ITCH: variants seen among roughly 807,000 people sequenced by gnomAD.
ITCH encodes itchy E3 ubiquitin protein ligase, also known as E3 ubiquitin-protein ligase Itchy homolog.
Under a neutral mutation model 126.8 loss-of-function variants are expected in ITCH, and 28 were observed. The ratio of observed to expected loss-of-function variants is 0.22; its 90% CI spans 0.16 to 0.30. The LOEUF is 0.30. ITCH is among the 10% of genes least tolerant of loss of function. ITCH has a pLI of 1.00. For synonymous variants in ITCH, 342 were observed against 340.0 expected, an observed-to-expected ratio of 1.01 and a Z score of -0.06; for missense variants, 631 against 1,032.4, an observed-to-expected ratio of 0.61 and a Z score of 5.33.
chr20:34,400,475 A>T lies in ITCH; in HGVS notation c.70+6594A>T, dbSNP rs1266254693. On this transcript the variant is annotated intron_variant, in intron 3 of 24. Coordinates refer to ENST00000374864, the MANE Select transcript of ITCH (RefSeq NM_031483.7). ...GTACACAAAACTTGCCCTAATACCC[A>T]TGAAAGCTCCTATAATAGGGGAGCC... is the stretch of plus-strand genomic sequence containing the variant. Among the ~76,000 whole-genome samples, 3 of 152,002 alleles carry T rather than the reference A, an allele frequency of 2.0e-5. No individual in the cohort carries two copies. The East Asian group carries it at 5.8e-4, about 29-fold the overall frequency.
chr20:34,408,344 G>C (rs1286738034), intron 3 of ITCH, among the ~76,000 whole-genome samples: 1 of 152,150 alleles, frequency 6.6e-6, no homozygotes, highest in Admixed American at 6.6e-5. Context: ...AAAGTTCTGG[G>C]ATTAGAGGTG....
intron 2 of ITCH, among the ~76,000 whole-genome samples, chr20:34,378,500 A>T (rs1323249235): frequency 7.5e-6 from 1 of 133,404 alleles, no homozygotes; most frequent in African/African-American, 2.7e-5. Context: ...AAAAAGATGT[A>T]AAAAAAAAAA....
At chr20:34,403,497 T>C (rs2146119250) in intron 3 of ITCH, among the ~76,000 whole-genome samples, 1 of 152,314 alleles carries the variant, frequency 6.6e-6, no homozygotes, top group South Asian at 2.1e-4. Context: ...GGGAAACTTT[T>C]GTTTTCTACC....
chr20:34,457,671 C>G (rs1986135617), intron 13 of ITCH, among the ~76,000 whole-genome samples, 197 bp downstream of exon 13: 1 of 152,132 alleles, frequency 6.6e-6, no homozygotes, highest in Non-Finnish European at 1.5e-5. Flanking sequence ...CAGGAAAAAA[C>G]TTTAACTGGG....
chr20:34,386,487 A>G (rs916788741), intron 2 of ITCH, among the ~76,000 whole-genome samples: 1 of 152,176 alleles, frequency 6.6e-6, no homozygotes, highest in African/African-American at 2.4e-5. Context: ...AGATTGTTTG[A>G]GAGTTTGACT....
chr20:34,421,597 G>T (rs953886657), intron 6 of ITCH, among the ~76,000 whole-genome samples: 8 of 143,148 alleles, frequency 5.6e-5, no homozygotes, highest in East Asian at 1.9e-4. Context: ...TTAGATTTTT[G>T]TTGTTGTTGT....
chr20:34,452,216 TTTCC>T (rs1985353484), intron 12 of ITCH, among the ~76,000 whole-genome samples: 1 of 152,194 alleles, frequency 6.6e-6, no homozygotes, highest in Non-Finnish European at 1.5e-5. Flanking sequence ...GTGAGCTGCG[TTTCC>T]TTTATCAGAA....
chr20:34,463,786 TTTG>T (rs1301781561), intron 14 of ITCH, among the ~76,000 whole-genome samples: 1 of 151,964 alleles, frequency 6.6e-6, no homozygotes, highest in Non-Finnish European at 1.5e-5. Context: ...CCTTTGCCCA[TTTG>T]TTGTTGTTTT....
In ITCH at chr20:34,462,143, T is replaced by C; in HGVS notation, c.1346T>C (p.Val449Ala). The C allele has an allele frequency of 6.2e-7, 1 of 1,613,486 alleles. No homozygotes were observed. The highest frequency in any genetic ancestry group is 8.5e-7 in the Non-Finnish European group (1 of 1,179,434). The change falls in exon 14 of 25, where the codon GTG becomes GCG. Residue 449 changes from valine to alanine, a missense_variant. Around this residue, in one of 4 missense-constraint regions of ITCH, gnomAD observed 390 missense variants for 731.6 expected, o/e 0.53. Coordinates refer to ENST00000374864, the MANE Select transcript of ITCH (RefSeq NM_031483.7). The stretch of plus-strand genomic sequence containing the variant: ...GAAGGTTGGGAAATGAGATTCACAG[T>C]GGATGGAATTCCATATTTTGTGGAC... ...LPEGWEMRFT[V>A]DGIPYFVDHN...
chr20:34,506,639 C>T (rs1032678265), intron 24 of ITCH, among the ~76,000 whole-genome samples: 1 of 152,190 alleles, frequency 6.6e-6, no homozygotes, highest in African/African-American at 2.4e-5. Context: ...AACCATCCCC[C>T]TCTCCACTCC....
rs574521270 is a variant in ITCH, at chr20:34,418,838, C to T, written c.475+4959C>T. On this transcript the variant is annotated intron_variant, in intron 6 of 24. Transcript: ENST00000374864. ...GTGCAATGGCGCGATCTCGGCTTAC[C>T]GCAACCTCCATCTCCTGGGTTCAAG... is the stretch of plus-strand genomic sequence containing the variant. Among the ~76,000 whole-genome samples, 14 of 146,132 alleles carry T rather than the reference C, an allele frequency of 9.6e-5. No homozygotes were observed. The East Asian group carries it at 1.6e-3, about 17-fold the overall frequency.
intron 16 of ITCH, among the ~76,000 whole-genome samples, chr20:34,477,240 T>G (rs531216337): frequency 1.3e-5 from 2 of 152,148 alleles, no homozygotes; most frequent in Non-Finnish European, 2.9e-5. Context: ...TCATTAAAAA[T>G]AAAATCACGG....
intron 3 of ITCH, among the ~76,000 whole-genome samples, chr20:34,404,558 T>C (rs1877386071): frequency 6.6e-6 from 1 of 151,962 alleles, no homozygotes; most frequent in Non-Finnish European, 1.5e-5. Context: ...TAGCTGGGAT[T>C]ACAGGCGCCT....
chr20:34,472,304 T>A (rs905059748), intron 16 of ITCH, among the ~76,000 whole-genome samples: 2 of 149,692 alleles, frequency 1.3e-5, no homozygotes, highest in Non-Finnish European at 3.0e-5. Context: ...GAGGTGGAGG[T>A]TGCAGTGACC....
In ITCH at chr20:34,489,894, A is replaced by C; in HGVS notation, c.2287A>C (p.Arg763=). The C allele has an allele frequency of 6.2e-7, 1 of 1,613,920 alleles. No homozygotes were observed. The highest frequency in any genetic ancestry group is 8.5e-7 in the Non-Finnish European group (1 of 1,179,842). Residue 763 remains arginine (R), a synonymous_variant, in exon 22 of 25, where the codon AGG becomes CGG. Coordinates refer to ENST00000374864, the MANE Select transcript of ITCH (RefSeq NM_031483.7). ...ACATGCCATCTACCGTCATTATGCAAGGACCAGCAAACAAATCATGTGGTT... is the reference window on the plus strand; with the variant it reads ...ACATGCCATCTACCGTCATTATGCACGGACCAGCAAACAAATCATGTGGTT... The part of the protein sequence containing the change: ...QRHAIYRHYA[R]TSKQIMWFWQ...
intron 7 of ITCH, among the ~76,000 whole-genome samples, chr20:34,432,099 A>G (rs1982388133): frequency 1.3e-5 from 2 of 151,744 alleles, no homozygotes; most frequent in Admixed American, 1.3e-4. Context: ...CAAACGCTGC[A>G]AAAGAGAATT....
intron 2 of ITCH, among the ~76,000 whole-genome samples, chr20:34,388,917 CAA>C (rs2038387944): frequency 6.6e-6 from 1 of 152,046 alleles, no homozygotes; most frequent in African/African-American, 2.4e-5. Flanking sequence ...TAACAGAAAA[CAA>C]GAGATGAAGA....
chr20:34,459,714 C>T (rs1568966049), intron 13 of ITCH, among the ~76,000 whole-genome samples: 1 of 152,070 alleles, frequency 6.6e-6, no homozygotes, highest in Non-Finnish European at 1.5e-5. Flanking sequence ...CCAGCTTGGG[C>T]GACAGAGTGT....
At chr20:34,475,056 T>C (rs1181674115) in intron 16 of ITCH, among the ~76,000 whole-genome samples, 2 of 127,570 alleles carry the variant, frequency 1.6e-5, no homozygotes, top group African/African-American at 6.1e-5. Context: ...TCCCAGACCA[T>C]GGGCGGCCGG....
Sources: allele counts gnomAD v4.1 joint callset (sites outside exome capture counted in the v4.1 genomes callset), GRCh38; gene constraint gnomAD v4.1.1; regional missense constraint gnomAD v4.1.1; transcripts MANE v1.5; gene names NCBI Gene and HGNC (gene_info 2026-07-23, HGNC 2026-07-21).